The following RPSA2 variants were observed in gnomAD, a reference collection of about 807,000 sequenced individuals.
RPSA2 encodes the protein ribosomal protein SA 2.
chr19:23,787,747 T>C, the RPSA2 span, among the ~76,000 whole-genome samples: 5 of 152,246 alleles, frequency 3.3e-5, no homozygotes, highest in African/African-American at 1.2e-4. Flanking sequence ...TTGATTTTTT[T>C]CTTTTATTTC....
At chr19:23,867,561 T>G in the RPSA2 span, among the ~76,000 whole-genome samples, 1 of 152,118 alleles carries the variant, frequency 6.6e-6, no homozygotes, top group Non-Finnish European at 1.5e-5. Flanking sequence ...CCGGGTGCGG[T>G]GGCTCACGCC....
the RPSA2 span, among the ~76,000 whole-genome samples, chr19:23,860,148 C>G: frequency 1.2e-4 from 18 of 152,256 alleles, no homozygotes; most frequent in South Asian, 3.7e-3. Context: ...TATTACAGCC[C>G]TGCTGCAAAA....
At chr19:23,803,104 T>G in the RPSA2 span, among the ~76,000 whole-genome samples, 1 of 152,224 alleles carries the variant, frequency 6.6e-6, no homozygotes, top group African/African-American at 2.4e-5. Flanking sequence ...AATTTTTTTT[T>G]TTTTTGGTAC....
At chr19:23,819,145 T>G in the RPSA2 span, 1 of 152,186 alleles carries the variant, frequency 6.6e-6, no homozygotes, top group Non-Finnish European at 1.5e-5. Flanking sequence ...AAGGAAAGTT[T>G]CCAGACGTAA....
At chr19:23,772,670 C>T in the RPSA2 span, among the ~76,000 whole-genome samples, 1 of 152,134 alleles carries the variant, frequency 6.6e-6, no homozygotes, top group African/African-American at 2.4e-5. Context: ...AATATGCACA[C>T]CTCGCCAACC....
chr19:23,815,273 G>A, the RPSA2 span, among the ~76,000 whole-genome samples: 1 of 152,200 alleles, frequency 6.6e-6, no homozygotes, highest in African/African-American at 2.4e-5. Context: ...TAGTTGGTCT[G>A]TAACATGGTT....
the RPSA2 span, among the ~76,000 whole-genome samples, chr19:23,767,267 C>T: frequency 6.6e-6 from 1 of 151,884 alleles, no homozygotes; most frequent in East Asian, 1.9e-4. Flanking sequence ...TTAGTACATA[C>T]GGGGTTTCAT....
chr19:23,847,321 T>C, the RPSA2 span, among the ~76,000 whole-genome samples: 4 of 152,180 alleles, frequency 2.6e-5, no homozygotes, highest in South Asian at 4.1e-4. Flanking sequence ...TCTCTTTGTA[T>C]TGGGGAAACC....
At chr19:23,807,721 TA>T in the RPSA2 span, 1 of 250,278 alleles carries the variant, frequency 4.0e-6, no homozygotes. Flanking sequence ...GTCACTCTTA[TA>T]AGTCAGAACC....
the RPSA2 span, among the ~76,000 whole-genome samples, chr19:23,870,110 T>A: frequency 3.3e-5 from 5 of 152,214 alleles, no homozygotes; most frequent in East Asian, 1.9e-4. Flanking sequence ...TTTGTGAAAC[T>A]TCTTCTAACT....
chr19:23,865,746 C>T, the RPSA2 span, among the ~76,000 whole-genome samples: 7 of 152,098 alleles, frequency 4.6e-5, no homozygotes, highest in Admixed American at 1.3e-4. Flanking sequence ...ACTTTTGGGA[C>T]CTTATGCTTT....
chr19:23,832,481 T>A, the RPSA2 span: 1 of 496,880 alleles, frequency 2.0e-6, no homozygotes, highest in African/African-American at 2.0e-5. Context: ...AACAAATCTA[T>A]GTGGCAAACC....
the RPSA2 span, among the ~76,000 whole-genome samples, chr19:23,788,984 T>C: frequency 5.3e-5 from 8 of 151,420 alleles, no homozygotes; most frequent in African/African-American, 1.9e-4. Context: ...AAGATGTGAC[T>C]TGTGGCCTGT....
chr19:23,807,543 C>T, the RPSA2 span, among the ~76,000 whole-genome samples: 1 of 152,128 alleles, frequency 6.6e-6, no homozygotes, highest in Non-Finnish European at 1.5e-5. Context: ...ATATAGTACT[C>T]AAAAATGTGC....
At chr19:23,852,776 TGCTCCCAATA>T in the RPSA2 span, among the ~76,000 whole-genome samples, 1 of 152,256 alleles carries the variant, frequency 6.6e-6, no homozygotes, top group African/African-American at 2.4e-5. Context: ...TTGGGGGGCT[TGCTCCCAATA>T]GTTACCCAAA....
the RPSA2 span, among the ~76,000 whole-genome samples, chr19:23,835,627 G>A: frequency 3.5e-5 from 5 of 142,138 alleles, no homozygotes; most frequent in Admixed American, 3.5e-4. Context: ...TTTTTTTTTT[G>A]TTGTTGTTGT....
the RPSA2 span, among the ~76,000 whole-genome samples, chr19:23,856,263 T>C: frequency 6.6e-6 from 1 of 152,242 alleles, no homozygotes; most frequent in South Asian, 2.1e-4. Context: ...CATAATTTCC[T>C]GTCGGGACCA....
At chr19:23,815,759 A>C in the RPSA2 span, among the ~76,000 whole-genome samples, 18 of 152,146 alleles carry the variant, frequency 1.2e-4, no homozygotes, top group Admixed American at 8.5e-4. Flanking sequence ...GATGTCTACA[A>C]TTATATTCTA....
chr19:23,806,960 T>TG, the RPSA2 span, among the ~76,000 whole-genome samples: 3 of 152,092 alleles, frequency 2.0e-5, no homozygotes, highest in African/African-American at 2.4e-5. Context: ...TTTACTTTAG[T>TG]GGGGGGCCAT....
Sources: allele counts gnomAD v4.1 joint callset (sites outside exome capture counted in the v4.1 genomes callset), GRCh38; gene constraint gnomAD v4.1.1; transcripts MANE v1.5; gene names NCBI Gene and HGNC (gene_info 2026-07-23, HGNC 2026-07-21).